Variants in ATAD5 observed in about 807,000 individuals in gnomAD.
ATAD5 encodes ATPase family AAA domain containing 5.
ATAD5 carries 58 observed loss-of-function variants against 176.9 expected under a neutral mutation model. The observed-to-expected ratio is 0.33, with a 90% CI of 0.27 to 0.41. The LOEUF is 0.41. Among genes scored for constraint, ATAD5 ranks in the 10% least tolerant of loss-of-function variants. ATAD5 has a pLI of 1.00. For synonymous variants in ATAD5, 640 were observed against 712.6 expected (o/e 0.90, Z 1.62); for missense variants, 1,789 against 2,094.1 (o/e 0.85, Z 2.84).
At chr17:30,883,300 A>T (rs902551874) in intron 18 of ATAD5, among the ~76,000 whole-genome samples, 3 of 151,372 alleles carry the variant, frequency 2.0e-5, no homozygotes, top group Admixed American at 6.6e-5. Flanking sequence ...AATTAAAAAA[A>T]TTTTTTTGTA....
chr17:30,860,489 A>T lies in ATAD5; in HGVS notation c.3013A>T (p.Asn1005Tyr), dbSNP rs1226906422. 7.5e-6 allele frequency: 12 copies of T among 1,600,864 alleles called. No homozygotes were observed. The highest frequency in any genetic ancestry group is 1.0e-5 in the Non-Finnish European group (12 of 1,177,412). Residue 1005 changes from asparagine (N) to tyrosine (Y), a missense_variant, in exon 10 of 23, where the codon AAT (asparagine) becomes TAT (tyrosine). Around this residue, in one of 6 missense-constraint regions of ATAD5, gnomAD observed 487 missense variants for 573.6 expected, o/e 0.85. Transcript: ENST00000321990. ...ETKRKLVEAE[N>Y]SKSKRKKPNE... ...CAAAAGGAAACTCGTAGAAGCAGAA[A>T]ATTCTAAGTCAAAAAGAAAGAAACC...
At chr17:30,873,040 A>G (rs1340269258) in intron 14 of ATAD5, among the ~76,000 whole-genome samples, 2 of 152,078 alleles carry the variant, frequency 1.3e-5, no homozygotes, top group East Asian at 3.9e-4. Flanking sequence ...GTTATTTCAT[A>G]TATTATGTCC....
chr17:30,877,394 T>C, intron 15 of ATAD5, 22 bp from the exon 16 acceptor site: 1 of 1,409,468 alleles, frequency 7.1e-7, no homozygotes, highest in Non-Finnish European at 9.8e-7. Context: ...TTACCTAAAA[T>C]ATTAATATTG....
intron 4 of ATAD5, among the ~76,000 whole-genome samples, chr17:30,842,568 G>C (rs140412023): frequency 6.6e-6 from 1 of 152,034 alleles, no homozygotes; most frequent in Non-Finnish European, 1.5e-5. Flanking sequence ...GTAAGTGCTC[G>C]GTAAATCTAT....
intron 4 of ATAD5, among the ~76,000 whole-genome samples, chr17:30,841,348 G>C (rs1041928415): frequency 1.3e-5 from 2 of 152,118 alleles, no homozygotes; most frequent in Non-Finnish European, 2.9e-5. Flanking sequence ...TCCCTAAATG[G>C]TGCAGTTTTC....
At chr17:30,881,049 G>A (rs933143101) in intron 18 of ATAD5, among the ~76,000 whole-genome samples, 1 of 148,782 alleles carries the variant, frequency 6.7e-6, no homozygotes, top group East Asian at 2.0e-4. Flanking sequence ...AAAAGATAGT[G>A]TTTTTGTGTA....
At position 30,844,045 on chromosome 17, in the gene ATAD5, C is replaced by CA. The variant is rs1555553610; in HGVS notation, c.2368+7dup. 2 of 1,529,588 alleles carry CA rather than the reference C, an allele frequency of 1.3e-6. No individual in the cohort carries two copies. Among genetic ancestry groups the CA allele is most frequent in the Non-Finnish European group, 1.8e-6 (2 of 1,141,286 alleles). 94.8% of individuals were successfully genotyped at this position (1,529,588 alleles called of 1,614,324 possible). On this transcript the variant is annotated splice_region_variant and intron_variant, in intron 5 of 22. Coordinates refer to ENST00000321990, the MANE Select transcript of ATAD5 (RefSeq NM_024857.5). ...ATCCACTAAAAATGTACCTGGTAAT[C>CA]AGAGTTAATAATATTTATGATGTAT...
intron 19 of ATAD5, among the ~76,000 whole-genome samples, chr17:30,888,265 ATT>A (rs1409968383): frequency 6.6e-6 from 1 of 152,174 alleles, no homozygotes; most frequent in African/African-American, 2.4e-5. Context: ...TTCATAAAAC[ATT>A]TTGGCCTGGC....
In ATAD5 at chr17:30,880,608, CAAAAAAA is replaced by C. The variant is rs199862765; in HGVS notation, c.4077+1130_4077+1136del. Among the ~76,000 whole-genome samples the C allele has an allele frequency of 5.0e-5, 4 of 79,238 alleles. No individual in the cohort carries two copies. In the East Asian group the frequency reaches 1.4e-3, roughly 27 times the overall value. 52.0% of individuals were successfully genotyped at this position (79,238 alleles called of 152,430 possible). The stretch of plus-strand genomic sequence containing the variant: ...GGGCAACAAGAGTGAAACTACATCT[CAAAAAAA>C]AAAAAAAAGAAAAAAGAGCTATAAT... On this transcript the variant is annotated intron_variant, in intron 18 of 22. Transcript: ENST00000321990.
chr17:30,844,271 A>G (rs1033266719), intron 5 of ATAD5, among the ~76,000 whole-genome samples: 60 of 152,156 alleles, frequency 3.9e-4, no homozygotes, highest in African/African-American at 1.4e-3. Flanking sequence ...AGCTGGGACT[A>G]CAGGCACCCA....
At chr17:30,873,689 C>CTTTTTT (rs775055653) in intron 14 of ATAD5, among the ~76,000 whole-genome samples, 4 of 129,588 alleles carry the variant, frequency 3.1e-5, no homozygotes, top group African/African-American at 1.2e-4. Flanking sequence ...TAAAAATTGC[C>CTTTTTT]TTTTTTTTTT....
rs1243867336 is a variant in ATAD5 at position 30,892,564 on chromosome 17, G to GT, written c.4259-40dup. ...TTTAAATAATTGTTTGATACAATTT[G>GT]TTTAATACATATATAGAGCTAAGAT... On this transcript the variant is annotated intron_variant, in intron 19 of 22. Coordinates refer to ENST00000321990, the MANE Select transcript of ATAD5 (RefSeq NM_024857.5). The GT allele has an allele frequency of 6.6e-6, 9 of 1,359,918 alleles. No individual in the cohort carries two copies. The East Asian group carries it at 2.2e-4, about 34-fold the overall frequency. The allele number at this position is 1,359,918 out of a possible 1,614,324, so 84.2% of individuals were successfully genotyped here.
At chr17:30,866,410 G>A (rs979277335) in intron 11 of ATAD5, among the ~76,000 whole-genome samples, 2 of 150,058 alleles carry the variant, frequency 1.3e-5, no homozygotes, top group African/African-American at 4.9e-5. Context: ...TGGCCAGGCT[G>A]GTCTCAAACT....
At chr17:30,862,031 G>GT (rs1176892751) in intron 10 of ATAD5, 2 of 140,524 alleles carry the variant, frequency 1.4e-5, no homozygotes, top group Non-Finnish European at 3.1e-5. Context: ...AAATTAAAAA[G>GT]TAAAAAAAAA....
intron 6 of ATAD5, among the ~76,000 whole-genome samples, chr17:30,846,722 T>C (rs1005783649): frequency 6.4e-5 from 8 of 125,814 alleles, no homozygotes; most frequent in African/African-American, 2.6e-4. Flanking sequence ...TTTTTCTCTC[T>C]TTTTTTTTTT....
At chr17:30,877,298 C>G in intron 15 of ATAD5, 118 bp from the exon 16 acceptor site, 1 of 711,816 alleles carries the variant, frequency 1.4e-6, no homozygotes, top group Non-Finnish European at 2.3e-6. Context: ...CATGAGCCAC[C>G]GCGCCCGTCC....
intron 3 of ATAD5, among the ~76,000 whole-genome samples, chr17:30,837,943 G>A (rs1478491019): frequency 1.3e-5 from 2 of 152,160 alleles, no homozygotes; most frequent in Non-Finnish European, 2.9e-5. Context: ...TATAGAGACT[G>A]AAAAGCAGAG....
intron 6 of ATAD5, among the ~76,000 whole-genome samples, chr17:30,851,075 G>T (rs1452323309): frequency 2.8e-5 from 4 of 144,142 alleles, no homozygotes; most frequent in Admixed American, 6.9e-5. Context: ...TTTTAGTAGA[G>T]ATGGGGTTTC....
chr17:30,846,268 G>T (rs1458834779), intron 6 of ATAD5, among the ~76,000 whole-genome samples: 1 of 151,810 alleles, frequency 6.6e-6, no homozygotes, highest in Non-Finnish European at 1.5e-5. Flanking sequence ...ATATTATTTT[G>T]TGTCTGGCTG....
Sources: allele counts gnomAD v4.1 joint callset (sites outside exome capture counted in the v4.1 genomes callset), GRCh38; gene constraint gnomAD v4.1.1; regional missense constraint gnomAD v4.1.1; transcripts MANE v1.5; gene names NCBI Gene and HGNC (gene_info 2026-07-23, HGNC 2026-07-21).